The following ZAN variants were observed in gnomAD, a reference collection of about 807,000 sequenced individuals.
The protein encoded by ZAN is zonadhesin.
In ZAN, 260 loss-of-function variants were observed where a neutral mutation model predicts 286.2. The ratio of observed to expected loss-of-function variants is 0.91; its 90% confidence interval spans 0.82 to 1.01. ZAN has a LOEUF of 1.01. ZAN is among the 50% of genes least tolerant of loss of function. The probability of loss-of-function intolerance (pLI) is 0.00; values close to 1 mark genes in which losing one functional copy is unlikely to be tolerated. For synonymous variants in ZAN, 1,368 were observed against 1,417.5 expected, an observed-to-expected ratio of 0.97 and a Z score of 0.79; for missense variants, 3,410 against 3,639.2, an observed-to-expected ratio of 0.94 and a Z score of 1.62.
chr7:100,784,517 C>G, intron 35 of ZAN, 106 bp from the exon 36 acceptor site: 1 of 1,112,232 alleles, frequency 9.0e-7, no homozygotes. Context: ...AAAAAAAGCT[C>G]CCCAAGCCTT....
Position 100,755,269 on chromosome 7 carries a change from T to C in ZAN, c.3168T>C (p.Pro1056=), listed in dbSNP as rs370869486. The C allele has an allele frequency of 4.8e-5, 78 of 1,613,908 alleles. No homozygotes were observed. The African/African-American group carries it at 8.5e-4, about 18-fold the overall frequency. The change falls in exon 15 of 48, where the codon CCT becomes CCC. Residue 1056 remains proline, a synonymous_variant. Transcript: ENST00000613979. ...CCCGCTACGAATCCTGTGCTTGTCC[T>C]GCTTCGTGCAAGAGCCCCAGGCCTA... ...PNARYESCAC[P]ASCKSPRPSC...
intron 7 of ZAN, among the ~76,000 whole-genome samples, chr7:100,741,041 CA>C (rs1807709676): frequency 2.9e-5 from 1 of 34,156 alleles, no homozygotes; most frequent in Non-Finnish European, 6.9e-5. Context: ...CCTCACTTCC[CA>C]GTAGGGGCGG....
At position 100,737,019 on chromosome 7, in the gene ZAN, A is replaced by G. The variant is rs1180923002; in HGVS notation, c.464A>G (p.Gln155Arg). The G allele has an allele frequency of 6.7e-7, 1 of 1,500,752 alleles. No homozygotes were observed. Among genetic ancestry groups the G allele is most frequent in the Non-Finnish European group, 9.1e-7 (1 of 1,096,626 alleles). 93.0% of individuals were successfully genotyped at this position (1,500,752 alleles called of 1,614,324 possible). A position where few individuals can be genotyped will look rare whatever the true frequency, so the allele number is the denominator to read the frequency against. ...GTGCTCTGGAAACACTGGAACACCC[A>G]GAGACCCTCCTGGATGCTCACCACC... is the stretch of plus-strand genomic sequence containing the variant. ...PDVLWKHWNT[Q>R]RPSWMLTTVT... Residue 155 changes from glutamine (Q) to arginine (R), a missense_variant, in exon 5 of 48, where the codon CAG becomes CGG. This residue lies in a region of ZAN where 872 missense variants were observed against 938.9 expected (regional missense o/e 0.93). Transcript: ENST00000613979.
At position 100,775,401 on chromosome 7, in the gene ZAN, C is replaced by T. The variant is rs188299389; in HGVS notation, c.5853C>T (p.Asp1951=). The T allele has an allele frequency of 4.2e-5, 68 of 1,613,954 alleles. No homozygotes were observed. Among genetic ancestry groups the T allele is most frequent in the African/African-American group, 4.1e-4 (31 of 75,038 alleles). The change falls in exon 32 of 48, where the codon GAC becomes GAT. Residue 1951 remains aspartate, a synonymous_variant. Transcript: ENST00000613979. ...SFDGSNHSIP[D]ACTLVLVKVC... The stretch of plus-strand genomic sequence containing the variant: ...ATGGTAGTAACCATTCTATCCCGGA[C>T]GCCTGCACTCTTGTCCTGGTGAAAG...
intron 7 of ZAN, among the ~76,000 whole-genome samples, chr7:100,744,305 T>C (rs1283413424): frequency 6.6e-6 from 1 of 150,998 alleles, no homozygotes; most frequent in Non-Finnish European, 1.5e-5. Context: ...CTTTGTTTTC[T>C]AGAAGGGCCC....
intron 7 of ZAN, among the ~76,000 whole-genome samples, chr7:100,743,781 G>A (rs1183173952): frequency 6.6e-6 from 1 of 151,562 alleles, no homozygotes; most frequent in Non-Finnish European, 1.5e-5. Context: ...GGAGGCTGAC[G>A]TGGGAGGACT....
chr7:100,755,512 G>T (rs760520946), intron 15 of ZAN, 102 bp downstream of exon 15: 1 of 1,366,274 alleles, frequency 7.3e-7, no homozygotes, highest in Non-Finnish European at 1.0e-6. Context: ...AGGGATCACC[G>T]GATAGTCCCA....
In ZAN at chr7:100,763,856, A is replaced by C. The variant is rs768131377; in HGVS notation, c.4037A>C (p.Gln1346Pro). 3 of 1,613,938 alleles carry C rather than the reference A, an allele frequency of 1.9e-6. No individual in the cohort carries two copies. In the African/African-American group the frequency reaches 4.0e-5, roughly 22 times the overall value. The change falls in exon 21 of 48, where the codon CAG (glutamine) becomes CCG (proline). Residue 1346 changes from glutamine (Q) to proline (P), a missense_variant. Coordinates refer to ENST00000613979, the MANE Select transcript of ZAN (RefSeq NM_003386.3). This position sits in a 1 kb window ranked among gnomAD's most constrained non-coding sequence, Gnocchi z 4.6. Reference protein sequence around the residue: ...VNSPSCDSSLQSSMSGPGFCG... With the variant: ...VNSPSCDSSLPSSMSGPGFCG... ...TCCCCGTCTTGTGATTCATCTCTGCAGAGCAGCATGTCGGGGCCAGGGTTC... is the reference window on the plus strand; with the variant it reads ...TCCCCGTCTTGTGATTCATCTCTGCCGAGCAGCATGTCGGGGCCAGGGTTC...
In ZAN at chr7:100,747,622, C is replaced by G. The variant is rs1007185585; in HGVS notation, c.1004C>G (p.Thr335Arg). Residue 335 changes from threonine (T) to arginine (R), a missense_variant, in exon 9 of 48, where the codon ACA (threonine) becomes AGA (arginine). Transcript: ENST00000613979. ...TGGCAGGCTGTTTCTGTCAATTACA[C>G]AGCCGTGGGACGGATACAGGTACAG... ...PNWQAVSVNY[T>R]AVGRIQFAVV... 1.2e-6 allele frequency: 2 copies of G among 1,613,854 alleles called. No individual in the cohort carries two copies. The highest frequency in any genetic ancestry group is 2.7e-5 in the African/African-American group (2 of 75,046).
intron 23 of ZAN, among the ~76,000 whole-genome samples, chr7:100,766,144 G>A (rs956840339): frequency 1.3e-5 from 2 of 151,800 alleles, no homozygotes; most frequent in Non-Finnish European, 2.9e-5. Context: ...GCACTACCAC[G>A]CCAGGCTAAT....
At chr7:100,779,397 T>G (rs1811036063) in intron 34 of ZAN, 49 bp from the exon 35 acceptor site, 2 of 1,520,432 alleles carry the variant, frequency 1.3e-6, no homozygotes, top group Non-Finnish European at 1.8e-6. Flanking sequence ...AAATTTTGTG[T>G]CATAGTAGGG....
intron 34 of ZAN, among the ~76,000 whole-genome samples, chr7:100,779,128 G>T (rs1408881998): frequency 1.3e-5 from 2 of 151,796 alleles, no homozygotes; most frequent in Admixed American, 6.6e-5. Context: ...GCTTGAACCC[G>T]GGAGGCGGAG....
Position 100,768,618 on chromosome 7 carries a change from A to T in ZAN, c.5050A>T (p.Asn1684Tyr). Residue 1684 changes from asparagine (N) to tyrosine (Y), a missense_variant, in exon 27 of 48, where the codon AAC becomes TAC. Asn to Tyr is a moderately radical substitution (Grantham distance 143). Transcript: ENST00000613979. ...ATGACTCCCTCCTCTAGGGAACTAC[A>T]ACAACAACAGCTTGGATGACAACCT... ...GQLCGLCGNY[N>Y]NNSLDDNLRP... The T allele has an allele frequency of 6.2e-7, 1 of 1,604,676 alleles. No homozygotes were observed. Among genetic ancestry groups the T allele is most frequent in the Non-Finnish European group, 8.5e-7 (1 of 1,174,898 alleles).
chr7:100,796,876 G>T (rs989090773), intron 45 of ZAN, among the ~76,000 whole-genome samples: 1 of 152,140 alleles, frequency 6.6e-6, no homozygotes, highest in Admixed American at 6.6e-5. Context: ...GGTGGTTCAT[G>T]CCTGTAATTT....
At position 100,766,554 on chromosome 7, in the gene ZAN, C is replaced by T; in HGVS notation, c.4500C>T (p.Cys1500=). Residue 1500 remains cysteine (C), a synonymous_variant, in exon 24 of 48, where the codon TGC becomes TGT. Coordinates refer to ENST00000613979, the MANE Select transcript of ZAN (RefSeq NM_003386.3). Reference sequence around the variant, plus strand: ...GGGAGCGGTGGTACAAGCCAGGCTGCAAAGAGTTGTGCGTCTGTGAAAGCA... The same window carrying T: ...GGGAGCGGTGGTACAAGCCAGGCTGTAAAGAGTTGTGCGTCTGTGAAAGCA... The part of the protein sequence containing the change: ...KVGERWYKPG[C]KELCVCESNN... The T allele has an allele frequency of 6.4e-7, 1 of 1,551,832 alleles. No individual in the cohort carries two copies. Among genetic ancestry groups the T allele is most frequent in the Non-Finnish European group, 8.7e-7 (1 of 1,147,050 alleles).
rs1433936809 is a variant in ZAN at position 100,771,733 on chromosome 7, G to T, written c.5249-111G>T. 4.8e-6 allele frequency: 6 copies of T among 1,239,946 alleles called. No individual in the cohort carries two copies. The African/African-American group carries it at 6.0e-5, about 12-fold the overall frequency. 76.8% of individuals were successfully genotyped at this position (1,239,946 alleles called of 1,614,324 possible). On this transcript the variant is annotated intron_variant, in intron 28 of 47. Coordinates refer to ENST00000613979, the MANE Select transcript of ZAN (RefSeq NM_003386.3). ...AGGTGTGAGCCACTGTGCCTGGCGGGAAAATCCAGGTTTTGACTGAAGTGG... is the reference window on the plus strand; with the variant it reads ...AGGTGTGAGCCACTGTGCCTGGCGGTAAAATCCAGGTTTTGACTGAAGTGG...
In ZAN at chr7:100,758,062, G is replaced by A. The variant is rs191127799; in HGVS notation, c.3310-140G>A. 1,024 of 846,870 alleles carry A rather than the reference G, an allele frequency of 1.2e-3. 4 individuals carry two copies. The highest frequency in any genetic ancestry group is 2.2e-3 in the Admixed American group (44 of 20,144). The allele number at this position is 846,870 out of a possible 1,614,324, so 52.5% of individuals were successfully genotyped here. A position where few individuals can be genotyped will look rare whatever the true frequency, so the allele number is the denominator to read the frequency against. On this transcript the variant is annotated intron_variant, in intron 15 of 47. Coordinates refer to ENST00000613979, the MANE Select transcript of ZAN (RefSeq NM_003386.3). ...GATTGCGCCACTGCACTCCAGCTTG[G>A]GCAACAGAGCAAGACTCCATCACAA...
At chr7:100,773,988 C>A in intron 31 of ZAN, 123 bp downstream of exon 31, 1 of 1,371,750 alleles carries the variant, frequency 7.3e-7, no homozygotes, top group Non-Finnish European at 9.8e-7. Context: ...TCTGCTGCAA[C>A]CAAGAGCTTC....
chr7:100,791,410 T>C lies in ZAN; in HGVS notation c.7529+297T>C, dbSNP rs4729612. ...TCCTCCTTCTCCTCCTCCTCCTCCT[T>C]CTTCTTCTCCTCCTCCTACTTCTTC... On this transcript the variant is annotated intron_variant, in intron 40 of 47. Transcript: ENST00000613979. Among the ~76,000 whole-genome samples, 92 of 151,586 alleles carry C rather than the reference T, an allele frequency of 6.1e-4. No homozygotes were observed. In the East Asian group the frequency reaches 7.0e-3, roughly 12 times the overall value.
Sources: allele counts gnomAD v4.1 joint callset (sites outside exome capture counted in the v4.1 genomes callset), GRCh38; gene constraint gnomAD v4.1.1; regional missense constraint gnomAD v4.1.1; non-coding constraint Gnocchi (gnomAD v3.1); transcripts MANE v1.5; gene names NCBI Gene and HGNC (gene_info 2026-07-23, HGNC 2026-07-21).